The following ANKRD11 variants were observed in gnomAD, a reference collection of about 807,000 sequenced individuals.
ANKRD11 encodes the protein ankyrin repeat domain 11.
ANKRD11 carries 17 observed loss-of-function variants against 195.7 expected under a neutral mutation model. That is an observed-to-expected ratio of 0.09 (90% CI 0.06 to 0.13). The LOEUF is 0.13. Ranked by LOEUF, ANKRD11 falls within the 10% of genes least tolerant of loss-of-function variation. The pLI is 1.00. For missense variants in ANKRD11, 3,735 were observed against 3,566.1 expected (o/e 1.05, Z -1.21); for synonymous variants, 1,953 against 1,528.1 (o/e 1.28, Z -6.49).
At chr16:89,320,277 G>C (rs893551340) in intron 2 of ANKRD11, 1 of 152,234 alleles carries the variant, frequency 6.6e-6, no homozygotes, top group Admixed American at 6.5e-5. Context: ...TCTCACTCCC[G>C]GGGGAGACTC....
At chr16:89,318,016 G>T (rs753622812) in intron 2 of ANKRD11, among the ~76,000 whole-genome samples, 5 of 152,116 alleles carry the variant, frequency 3.3e-5, no homozygotes, top group Admixed American at 6.5e-5. Flanking sequence ...AGCCACTCCC[G>T]AACTATTTGC....
intron 2 of ANKRD11, among the ~76,000 whole-genome samples, chr16:89,351,627 A>G (rs2039224031): frequency 6.6e-6 from 1 of 152,234 alleles, no homozygotes. Context: ...TGCTGTGGGC[A>G]CTGCAGACAT....
intron 2 of ANKRD11, among the ~76,000 whole-genome samples, chr16:89,385,520 G>C (rs1237794055): frequency 6.6e-6 from 1 of 152,134 alleles, no homozygotes; most frequent in Non-Finnish European, 1.5e-5. Flanking sequence ...CCGAGACCCT[G>C]TGGGTATCCC....
intron 1 of ANKRD11, among the ~76,000 whole-genome samples, chr16:89,433,763 C>T (rs1394729700): frequency 1.3e-5 from 2 of 150,896 alleles, no homozygotes; most frequent in Non-Finnish European, 2.9e-5. Context: ...GCTGGGCACG[C>T]CACCTTCACG....
At chr16:89,295,267 G>A (rs896205397) in intron 4 of ANKRD11, among the ~76,000 whole-genome samples, 2 of 152,230 alleles carry the variant, frequency 1.3e-5, no homozygotes, top group African/African-American at 2.4e-5. Context: ...GAGGGCAGAG[G>A]TCCAGGGAGA....
chr16:89,340,515 T>G lies in ANKRD11; in HGVS notation c.-59-23437A>C, dbSNP rs565875524. Among the ~76,000 whole-genome samples the G allele has an allele frequency of 2.2e-4, 34 of 152,352 alleles. No individual in the cohort carries two copies. The South Asian group carries it at 6.8e-3, about 31-fold the overall frequency. On this transcript the variant is annotated intron_variant, in intron 2 of 12. Coordinates refer to ENST00000301030, the MANE Select transcript of ANKRD11 (RefSeq NM_013275.6). ...ATCTTGAACTCCTGACTTCAGGCGA[T>G]CCACCTGCCTCGGCCTCCCAAAGTG...
At chr16:89,469,168 A>C (rs1301711809) in intron 1 of ANKRD11, among the ~76,000 whole-genome samples, 2 of 151,788 alleles carry the variant, frequency 1.3e-5, no homozygotes, top group Non-Finnish European at 2.9e-5. Flanking sequence ...CCACAGGGCG[A>C]GGCTCTGTTT....
chr16:89,395,537 G>C (rs532051400), intron 2 of ANKRD11, among the ~76,000 whole-genome samples: 14 of 152,312 alleles, frequency 9.2e-5, no homozygotes, highest in Non-Finnish European at 1.9e-4. Flanking sequence ...AATCTTACTT[G>C]TCCATGAGAA....
At chr16:89,338,585 C>T (rs1022389976) in intron 2 of ANKRD11, among the ~76,000 whole-genome samples, 4 of 151,672 alleles carry the variant, frequency 2.6e-5, no homozygotes, top group Admixed American at 2.0e-4. Flanking sequence ...ATTAGCTGGG[C>T]GTGGTGGCAT....
chr16:89,463,740 T>C (rs2097163117), intron 1 of ANKRD11, among the ~76,000 whole-genome samples: 2 of 151,960 alleles, frequency 1.3e-5, no homozygotes, highest in African/African-American at 4.8e-5. Flanking sequence ...CAACGTAGTA[T>C]TCCACAGCAA....
At chr16:89,471,374 C>A (rs183643858) in intron 1 of ANKRD11, among the ~76,000 whole-genome samples, 2 of 152,094 alleles carry the variant, frequency 1.3e-5, no homozygotes, top group African/African-American at 2.4e-5. Flanking sequence ...ATTCACGAGA[C>A]GGCAAGAACT....
At chr16:89,387,741 G>A (rs1370909177) in intron 2 of ANKRD11, among the ~76,000 whole-genome samples, 2 of 148,260 alleles carry the variant, frequency 1.3e-5, no homozygotes, top group African/African-American at 2.5e-5. Flanking sequence ...GGTAGCTTGC[G>A]CCTGTAATCC....
intron 1 of ANKRD11, among the ~76,000 whole-genome samples, chr16:89,424,505 C>G (rs1012588047): frequency 6.6e-6 from 1 of 151,990 alleles, no homozygotes; most frequent in African/African-American, 2.4e-5. Flanking sequence ...TCTCCAAGCC[C>G]AGTCTTTGGG....
intron 2 of ANKRD11, among the ~76,000 whole-genome samples, chr16:89,407,852 CAAA>C (rs60723753): frequency 0.54 from 60,054 of 110,826 alleles, 14,029 homozygotes; most frequent in Middle Eastern, 0.65. Flanking sequence ...TGTCTCCCTC[CAAA>C]AAAAAAAAAA....
chr16:89,354,183 T>G (rs920603739), intron 2 of ANKRD11, among the ~76,000 whole-genome samples: 1 of 149,468 alleles, frequency 6.7e-6, no homozygotes, highest in African/African-American at 2.5e-5. Context: ...CCCATTCAAA[T>G]CTTCCAAGGC....
rs1046804092 is a variant in ANKRD11, at chr16:89,280,482, G to C, written c.6060C>G (p.Ala2020=). Residue 2020 remains alanine, a synonymous_variant, in exon 9 of 13, where the codon GCC becomes GCG. Transcript: ENST00000301030. ...ASEAPYPAPP[A]SPAPYALPVA... is the part of the protein sequence containing the mutation. Reference sequence around the variant, plus strand: ...CGGGCAGAGCGTACGGGGCAGGAGAGGCGGGAGGGGCGGGGTACGGCGCCT... The same window carrying C: ...CGGGCAGAGCGTACGGGGCAGGAGACGCGGGAGGGGCGGGGTACGGCGCCT... The C allele has an allele frequency of 1.1e-5, 17 of 1,566,884 alleles. No individual in the cohort carries two copies. The Admixed American group carries it at 2.8e-4, about 25-fold the overall frequency.
chr16:89,286,269 C>T, intron 7 of ANKRD11, 83 bp from the exon 8 acceptor site: 1 of 1,585,682 alleles, frequency 6.3e-7, no homozygotes, highest in East Asian at 2.2e-5. Context: ...CAGCCCCTTC[C>T]GAGAACCCTG....
intron 1 of ANKRD11, among the ~76,000 whole-genome samples, chr16:89,446,764 G>C (rs1324376758): frequency 2.0e-5 from 3 of 152,112 alleles, no homozygotes; most frequent in Admixed American, 6.5e-5. Context: ...TTCCTGTCCA[G>C]TGAGCACCAA....
intron 1 of ANKRD11, among the ~76,000 whole-genome samples, chr16:89,466,131 G>C (rs751259117): frequency 6.6e-6 from 1 of 152,266 alleles, no homozygotes; most frequent in East Asian, 1.9e-4. Context: ...TGCACTGGCC[G>C]TGGGCTCAGG....
Sources: gnomAD v4.1 joint callset for allele counts (sites outside exome capture counted in the v4.1 genomes callset) on GRCh38, gnomAD v4.1.1 for gene constraint, MANE v1.5 for transcripts, NCBI Gene and HGNC (gene_info 2026-07-23, HGNC 2026-07-21) for gene names.